The following CLDN16 variants were observed in gnomAD, a reference collection of about 807,000 sequenced individuals.
The protein encoded by CLDN16 is claudin 16, also known as claudin-16.
In CLDN16, 13 loss-of-function variants were observed where a neutral mutation model predicts 24.6. The observed-to-expected ratio is 0.53, with a 90% CI of 0.34 to 0.84. CLDN16 has a LOEUF of 0.84. Ranked by LOEUF, CLDN16 falls within the 40% of genes least tolerant of loss-of-function variation. The pLI, the probability that CLDN16 is intolerant of heterozygous loss-of-function variation, is 0.01. For synonymous variants in CLDN16, 116 were observed against 106.7 expected (o/e 1.09, Z -0.54); for missense variants, 298 against 292.7 (o/e 1.02, Z -0.13).
rs79037978 is a variant in CLDN16, at chr3:190,350,297, T to C, written n.122-20596T>C. ...GTCTGGTGTGAAATGATAAAGCTTT[T>C]CTACATAAAAGCAGTACTTGAAGTT... On this transcript the variant is annotated intron_variant and non_coding_transcript_variant, in intron 1 of 4. Transcript: ENST00000468220. Among the ~76,000 whole-genome samples, 10 of 151,098 alleles carry C rather than the reference T, an allele frequency of 6.6e-5. No individual in the cohort carries two copies. The East Asian group carries it at 1.9e-3, about 29-fold the overall frequency.
At chr3:190,404,421 A>G (rs1719037461) in intron 2 of CLDN16, among the ~76,000 whole-genome samples, 2 of 152,216 alleles carry the variant, frequency 1.3e-5, no homozygotes, top group African/African-American at 2.4e-5. Flanking sequence ...CGATTCAGCA[A>G]TCGGCTACAA....
At chr3:190,333,940 G>A (rs575332668) in intron 1 of CLDN16, among the ~76,000 whole-genome samples, 1 of 152,166 alleles carries the variant, frequency 6.6e-6, no homozygotes, top group African/African-American at 2.4e-5. Flanking sequence ...AAAATTTTAG[G>A]TAAAGAGTAT....
At chr3:190,390,795 A>AT (rs1718633324) in intron 1 of CLDN16, among the ~76,000 whole-genome samples, 3 of 151,872 alleles carry the variant, frequency 2.0e-5, no homozygotes, top group East Asian at 1.9e-4. Flanking sequence ...TTTTATTTTT[A>AT]TTTTTTTATA....
chr3:190,340,191 A>G (rs77950852), intron 1 of CLDN16, among the ~76,000 whole-genome samples: 4,496 of 152,300 alleles, frequency 0.03, 109 homozygotes, highest in East Asian at 0.081. Flanking sequence ...TTTATGGAAA[A>G]CCCACAGCTA....
At chr3:190,328,946 A>G (rs1560079475) in intron 1 of CLDN16, among the ~76,000 whole-genome samples, 1 of 152,110 alleles carries the variant, frequency 6.6e-6, no homozygotes, top group South Asian at 2.1e-4. Flanking sequence ...TTGTTCATTT[A>G]TGTTACTTCT....
intron 1 of CLDN16, among the ~76,000 whole-genome samples, chr3:190,346,954 T>G (rs1400675712): frequency 6.6e-6 from 1 of 152,194 alleles, no homozygotes; most frequent in Non-Finnish European, 1.5e-5. Flanking sequence ...TATTTCCAAA[T>G]AAGTTCACAC....
At chr3:190,394,588 A>T (rs1296451791) in intron 1 of CLDN16, among the ~76,000 whole-genome samples, 2 of 152,098 alleles carry the variant, frequency 1.3e-5, no homozygotes, top group East Asian at 3.8e-4. Context: ...GAGGCTACAA[A>T]TGTTCTCTTA....
intron 1 of CLDN16, among the ~76,000 whole-genome samples, chr3:190,392,936 C>A (rs1181153357): frequency 6.6e-6 from 1 of 152,086 alleles, no homozygotes; most frequent in African/African-American, 2.4e-5. Flanking sequence ...TTCTGGCTAT[C>A]TGTGGGGAGA....
At chr3:190,333,702 C>T (rs534048347) in intron 1 of CLDN16, among the ~76,000 whole-genome samples, 2 of 152,090 alleles carry the variant, frequency 1.3e-5, no homozygotes, top group Non-Finnish European at 2.9e-5. Context: ...AGTTCTTTCT[C>T]TGATAATGAA....
chr3:190,357,287 T>A (rs1717794878), intron 1 of CLDN16, among the ~76,000 whole-genome samples: 1 of 151,888 alleles, frequency 6.6e-6, no homozygotes, highest in African/African-American at 2.4e-5. Flanking sequence ...CAACCTTGAA[T>A]CTACCTGATC....
At chr3:190,378,441 CTGATCACTCA>C (rs1577416515) in intron 3 of CLDN16, among the ~76,000 whole-genome samples, 1 of 152,024 alleles carries the variant, frequency 6.6e-6, no homozygotes, top group Non-Finnish European at 1.5e-5. Context: ...TCCCTGAGGG[CTGATCACTCA>C]TGATCACTCA....
intron 1 of CLDN16, among the ~76,000 whole-genome samples, chr3:190,357,606 C>T (rs1437140875): frequency 6.6e-6 from 1 of 151,880 alleles, no homozygotes; most frequent in East Asian, 1.9e-4. Flanking sequence ...GAAAGTTCTT[C>T]CCAAAATAAT....
intron 1 of CLDN16, among the ~76,000 whole-genome samples, chr3:190,396,976 G>A (rs560243035): frequency 3.9e-5 from 6 of 152,304 alleles, no homozygotes; most frequent in South Asian, 4.1e-4. Context: ...GGTAGGATCT[G>A]TGGGGAACCT....
chr3:190,341,503 G>A (rs901760861), intron 1 of CLDN16, among the ~76,000 whole-genome samples: 4 of 152,120 alleles, frequency 2.6e-5, no homozygotes, highest in African/African-American at 9.7e-5. Context: ...CAAGTCCCTA[G>A]GCTGCACACA....
chr3:190,345,538 G>T (rs1394804934), intron 1 of CLDN16, among the ~76,000 whole-genome samples: 1 of 152,164 alleles, frequency 6.6e-6, no homozygotes, highest in East Asian at 1.9e-4. Flanking sequence ...TCTTCTTTCA[G>T]TTGTGTTAAT....
chr3:190,368,870 T>G (rs1718078193), intron 1 of CLDN16, among the ~76,000 whole-genome samples: 1 of 151,962 alleles, frequency 6.6e-6, no homozygotes, highest in Non-Finnish European at 1.5e-5. Flanking sequence ...TTGTTTAGAC[T>G]TGCTTGATTT....
At chr3:190,307,301 CAA>C in the CLDN16 span, 1 of 152,070 alleles carries the variant, frequency 6.6e-6, no homozygotes, top group Non-Finnish European at 1.5e-5. Flanking sequence ...CTTGGGAAAA[CAA>C]TACAATTAAG....
chr3:190,304,232 G>A, the CLDN16 span, among the ~76,000 whole-genome samples: 1 of 152,264 alleles, frequency 6.6e-6, no homozygotes, highest in East Asian at 1.9e-4. Context: ...TTTTATGAAT[G>A]AAGAAACTGG....
chr3:190,298,156 A>C, the CLDN16 span, among the ~76,000 whole-genome samples: 10 of 152,198 alleles, frequency 6.6e-5, no homozygotes, highest in Admixed American at 2.6e-4. Context: ...TAAGTCTTAA[A>C]GCATAATAGT....
Sources: allele counts gnomAD v4.1 joint callset (sites outside exome capture counted in the v4.1 genomes callset), GRCh38; gene constraint gnomAD v4.1.1; transcripts MANE v1.5; gene names NCBI Gene and HGNC (gene_info 2026-07-23, HGNC 2026-07-21).